Variants in STK3 observed in about 807,000 individuals in gnomAD.
The protein encoded by STK3 is serine/threonine-protein kinase 3.
A neutral mutation model predicts 58.0 loss-of-function variants in STK3; 41 were observed. The observed-to-expected ratio is 0.71, with a 90% CI of 0.55 to 0.92. STK3 has a LOEUF of 0.92. STK3 is among the 40% of genes least tolerant of loss of function. The pLI is 0.00. For synonymous variants in STK3, 170 were observed against 191.0 expected (o/e 0.89, Z 0.91); for missense variants, 479 against 602.7 (o/e 0.79, Z 2.15).
chr8:98,926,919 G>A (rs1839820352), intron 1 of STK3, among the ~76,000 whole-genome samples: 1 of 152,214 alleles, frequency 6.6e-6, no homozygotes, highest in African/African-American at 2.4e-5. Flanking sequence ...AGTGGTGGGT[G>A]GTTGTGTGGT....
chr8:98,457,686 G>A (rs375272172), intron 10 of STK3, among the ~76,000 whole-genome samples: 1 of 152,088 alleles, frequency 6.6e-6, no homozygotes, highest in Middle Eastern at 3.4e-3. Flanking sequence ...ATAACATGAC[G>A]TAAACGTAGA....
chr8:98,600,339 C>T (rs975341844), intron 6 of STK3, among the ~76,000 whole-genome samples: 21 of 152,168 alleles, frequency 1.4e-4, no homozygotes, highest in African/African-American at 5.1e-4. Flanking sequence ...TGCCTCTGTT[C>T]CCATATCTTA....
chr8:98,809,442 A>C (rs1205979227), intron 1 of STK3, among the ~76,000 whole-genome samples: 1 of 152,216 alleles, frequency 6.6e-6, no homozygotes, highest in African/African-American at 2.4e-5. Flanking sequence ...AAGTCTTATA[A>C]GTGTAGAAAA....
At chr8:98,791,626 T>A (rs528357325) in intron 1 of STK3, among the ~76,000 whole-genome samples, 5 of 152,152 alleles carry the variant, frequency 3.3e-5, no homozygotes, top group Admixed American at 6.5e-5. Context: ...AATAGGCACA[T>A]GGACCAATGG....
At position 98,419,060 on chromosome 8, in the gene STK3, C is replaced by T. The variant is rs1490191516; in HGVS notation, n.483+15067G>A. Among the ~76,000 whole-genome samples, 4 of 152,202 alleles carry T rather than the reference C, an allele frequency of 2.6e-5. No homozygotes were observed. The South Asian group carries it at 8.3e-4, about 31-fold the overall frequency. On this transcript the variant is annotated intron_variant and non_coding_transcript_variant, in intron 3 of 3. Transcript: ENST00000517832. ...TGTAGCTTCCAAGTCTGGCTTCTGGCCCCAGGAGTCTGTGATCTGGCTAGG... is the reference window on the plus strand; with the variant it reads ...TGTAGCTTCCAAGTCTGGCTTCTGGTCCCAGGAGTCTGTGATCTGGCTAGG...
Position 98,428,257 on chromosome 8 carries a change from T to A in STK3, n.483+5870A>T, listed in dbSNP as rs1279704268. ...TATCACACCGGCAAGCTTCACGTCA[T>A]GGCTGAGCTATGTGTCTTCTCCTTC... On this transcript the variant is annotated intron_variant and non_coding_transcript_variant, in intron 3 of 3. Coordinates refer to the STK3 transcript ENST00000517832. This position sits in a 1 kb window ranked among gnomAD's most constrained non-coding sequence, Gnocchi z 6.7. The A allele has an allele frequency of 6.2e-7, 1 of 1,614,150 alleles. No homozygotes were observed. The highest frequency in any genetic ancestry group is 2.2e-5 in the East Asian group (1 of 44,872).
At chr8:98,468,977 C>T (rs1337944223) in intron 10 of STK3, among the ~76,000 whole-genome samples, 2 of 151,874 alleles carry the variant, frequency 1.3e-5, no homozygotes, top group African/African-American at 2.4e-5. Flanking sequence ...GGCGAGGTGG[C>T]GGGTGCCTGT....
intron 8 of STK3, among the ~76,000 whole-genome samples, chr8:98,562,733 A>T (rs1401624844): frequency 1.4e-5 from 2 of 143,944 alleles, no homozygotes; most frequent in African/African-American, 5.2e-5. Flanking sequence ...TCTCCACAAA[A>T]AATGAAAAAA....
chr8:98,735,480 A>T (rs1170992318), intron 4 of STK3, among the ~76,000 whole-genome samples: 1 of 152,152 alleles, frequency 6.6e-6, no homozygotes, highest in Non-Finnish European at 1.5e-5. Flanking sequence ...TGTGTTTGTG[A>T]GTCTGATCAC....
At chr8:98,361,398 G>T in the STK3 span, among the ~76,000 whole-genome samples, 1 of 152,180 alleles carries the variant, frequency 6.6e-6, no homozygotes, top group African/African-American at 2.4e-5. Flanking sequence ...CTGATGGTTT[G>T]TAGTTTGTTC....
At chr8:98,627,583 C>T (rs1818829506) in intron 6 of STK3, among the ~76,000 whole-genome samples, 1 of 151,352 alleles carries the variant, frequency 6.6e-6, no homozygotes, top group Non-Finnish European at 1.5e-5. Context: ...ATGTGACATA[C>T]TCATGCCCCC....
chr8:98,701,490 G>A (rs1047805535), intron 6 of STK3, among the ~76,000 whole-genome samples: 32 of 151,870 alleles, frequency 2.1e-4, no homozygotes, highest in Admixed American at 3.3e-4. Flanking sequence ...ATGGTGGTGC[G>A]CACTTGTAAT....
At chr8:98,858,239 G>A (rs367670665) in intron 3 of STK3, among the ~76,000 whole-genome samples, 2 of 140,938 alleles carry the variant, frequency 1.4e-5, no homozygotes, top group Admixed American at 7.4e-5. Context: ...AAAATTAGCC[G>A]GATGTGGTGG....
chr8:98,904,994 T>C lies in STK3; in HGVS notation c.-78-21160A>G, dbSNP rs1838833710. The C allele has an allele frequency of 1.1e-5, 8 of 753,066 alleles. No individual in the cohort carries two copies. In the South Asian group the frequency reaches 1.1e-4, roughly 10 times the overall value. 46.6% of individuals were successfully genotyped at this position (753,066 alleles called of 1,614,324 possible). ...CTGCCTCGTAAGAGCAGACCCAGTA[T>C]CGCTTATAGTAGTGGAGTGCTGCAT... On this transcript the variant is annotated intron_variant, in intron 1 of 1. Transcript: ENST00000519420.
At chr8:98,679,745 G>A (rs552284761) in intron 6 of STK3, among the ~76,000 whole-genome samples, 38 of 152,200 alleles carry the variant, frequency 2.5e-4, no homozygotes, top group Non-Finnish European at 4.9e-4. Flanking sequence ...TACAGTAATA[G>A]TTGGCTCAAT....
chr8:98,900,329 C>T (rs58433985), intron 1 of STK3, among the ~76,000 whole-genome samples: 2,859 of 151,906 alleles, frequency 0.019, 91 homozygotes, highest in African/African-American at 0.066. Context: ...GATCTGCCTG[C>T]CTCGGCTTCC....
At chr8:98,791,688 G>A (rs1044631023) in intron 1 of STK3, among the ~76,000 whole-genome samples, 17 of 152,038 alleles carry the variant, frequency 1.1e-4, no homozygotes, top group Admixed American at 6.6e-4. Flanking sequence ...ACTGATATTC[G>A]ACAAAGCAAA....
At chr8:98,597,690 C>A in intron 6 of STK3, 1 of 985,378 alleles carries the variant, frequency 1.0e-6, no homozygotes, top group Non-Finnish European at 1.2e-6. Context: ...TGCGTGAGCT[C>A]TATCTAGCCT....
intron 6 of STK3, among the ~76,000 whole-genome samples, chr8:98,687,305 C>A (rs919071060): frequency 2.0e-5 from 3 of 152,298 alleles, no homozygotes; most frequent in Non-Finnish European, 2.9e-5. Context: ...AACTGTTCCA[C>A]CTCAGTTCAT....
Sources: allele counts gnomAD v4.1 joint callset (sites outside exome capture counted in the v4.1 genomes callset), GRCh38; gene constraint gnomAD v4.1.1; non-coding constraint Gnocchi (gnomAD v3.1); transcripts MANE v1.5; gene names NCBI Gene and HGNC (gene_info 2026-07-23, HGNC 2026-07-21).